The following PACRG variants were observed in gnomAD, a reference collection of about 807,000 sequenced individuals.
PACRG encodes the protein parkin coregulated, also known as parkin coregulated gene protein.
Under a neutral mutation model 29.7 loss-of-function variants are expected in PACRG, and 29 were observed. The ratio of observed to expected loss-of-function variants is 0.98; its 90% CI spans 0.73 to 1.33. PACRG has a LOEUF of 1.33. PACRG is among the 40% of genes most tolerant of loss of function. The probability of loss-of-function intolerance (pLI) is 0.00; values close to 1 mark genes in which losing one functional copy is unlikely to be tolerated. For synonymous variants in PACRG, 116 were observed against 118.7 expected, an observed-to-expected ratio of 0.98 and a Z score of 0.15; for missense variants, 279 against 316.2, an observed-to-expected ratio of 0.88 and a Z score of 0.89.
At chr6:162,852,005 G>GGAAGGAAAGGAAGGAAGGAAGGA (rs1562663902) in intron 2 of PACRG, among the ~76,000 whole-genome samples, 8 of 116,030 alleles carry the variant, frequency 6.9e-5, no homozygotes, top group African/African-American at 2.7e-4. Flanking sequence ...GGGAGGGAGG[G>GGAAGGAAAGGAAGGAAGGAAGGA]AGGAAGGAAG....
intron 2 of PACRG, among the ~76,000 whole-genome samples, chr6:162,871,849 C>T (rs1367553755): frequency 3.3e-5 from 5 of 151,500 alleles, no homozygotes; most frequent in Middle Eastern, 3.4e-3. Context: ...ACCTGGGAGG[C>T]GGAGCTTGCA....
rs141538953 is a variant in PACRG, at chr6:162,759,354, G to A, written c.156+30963G>A. Reference sequence around the variant, plus strand: ...ATCTGAAAGTACATCTATGTGAGCCGTGGCTCACATAACCATGGCTGTAGG... The same window carrying A: ...ATCTGAAAGTACATCTATGTGAGCCATGGCTCACATAACCATGGCTGTAGG... On this transcript the variant is annotated intron_variant, in intron 1 of 4. Transcript: ENST00000366888. 2.9e-3 allele frequency among the ~76,000 whole-genome samples: 438 copies of A among 152,232 alleles called. 1 individual carries two copies. The highest frequency in any genetic ancestry group is 1.0e-2 in the African/African-American group (415 of 41,530).
At chr6:162,829,560 A>T (rs1190768976) in intron 2 of PACRG, among the ~76,000 whole-genome samples, 1 of 152,238 alleles carries the variant, frequency 6.6e-6, no homozygotes, top group Non-Finnish European at 1.5e-5. Context: ...AAGTACAGTC[A>T]TGAGCTGCAT....
intron 4 of PACRG, among the ~76,000 whole-genome samples, chr6:163,212,084 T>C (rs1781166170): frequency 1.3e-5 from 2 of 152,000 alleles, no homozygotes; most frequent in South Asian, 4.2e-4. Context: ...TACAGAGCAG[T>C]GGGATATTGG....
chr6:162,748,459 C>G (rs930857506), intron 1 of PACRG, among the ~76,000 whole-genome samples: 1 of 152,158 alleles, frequency 6.6e-6, no homozygotes, highest in Non-Finnish European at 1.5e-5. Context: ...GACCACTGCA[C>G]TCCAGCCTGC....
rs113979485 is a variant in PACRG, at chr6:163,102,095, G to A, written c.613+12687G>A. On this transcript the variant is annotated intron_variant, in intron 4 of 4. Coordinates refer to ENST00000366888, the MANE Select transcript of PACRG (RefSeq NM_001080379.2). ...AACCTGAATCAATGTGTACAGCCAC[G>A]GAAGGCCTGAGGGGTGAAGGAGGTT... Among the ~76,000 whole-genome samples the A allele has an allele frequency of 1.4e-3, 208 of 152,222 alleles. 5 individuals are homozygous for A. The highest frequency in any genetic ancestry group is 4.7e-3 in the African/African-American group (195 of 41,530).
At chr6:162,888,955 G>A (rs1162393441) in intron 2 of PACRG, among the ~76,000 whole-genome samples, 2 of 152,200 alleles carry the variant, frequency 1.3e-5, no homozygotes, top group Admixed American at 1.3e-4. Flanking sequence ...CAGTCATGCG[G>A]CCATGGGATC....
chr6:163,054,759 A>G (rs1285734845), intron 2 of PACRG, among the ~76,000 whole-genome samples: 3 of 152,178 alleles, frequency 2.0e-5, no homozygotes, highest in African/African-American at 7.2e-5. Flanking sequence ...CCCACCAGCC[A>G]TTCGCATCCC....
intron 4 of PACRG, among the ~76,000 whole-genome samples, chr6:163,100,382 A>G (rs1045792134): frequency 1.3e-4 from 19 of 151,982 alleles, no homozygotes; most frequent in African/African-American, 4.6e-4. Flanking sequence ...CGGCCTTTCC[A>G]TTCTGCACCG....
chr6:162,905,441 T>G (rs1795863154), intron 2 of PACRG, among the ~76,000 whole-genome samples: 3 of 152,172 alleles, frequency 2.0e-5, no homozygotes, highest in Non-Finnish European at 4.4e-5. Flanking sequence ...CTGACCAGAC[T>G]GGCAGCATTT....
At position 163,269,867 on chromosome 6, in the gene PACRG, G is replaced by GAGAAAGAAAGAGAA. The variant is rs1562349501; in HGVS notation, c.614-44949_614-44948insGAAAGAAAGAAAGA. Among the ~76,000 whole-genome samples the GAGAAAGAAAGAGAA allele has an allele frequency of 7.4e-4, 42 of 56,764 alleles. 6 individuals are homozygous for GAGAAAGAAAGAGAA. The highest frequency in any genetic ancestry group is 1.6e-3 in the African/African-American group (19 of 12,142). 37.2% of individuals were successfully genotyped at this position (56,764 alleles called of 152,430 possible). A position where few individuals can be genotyped will look rare whatever the true frequency, so the allele number is the denominator to read the frequency against. On this transcript the variant is annotated intron_variant, in intron 4 of 4. Coordinates refer to ENST00000366888, the MANE Select transcript of PACRG (RefSeq NM_001080379.2). The stretch of plus-strand genomic sequence containing the variant: ...AAAGAAAGAAAGAAAGAGAAAGAAA[G>GAGAAAGAAAGAGAA]AGAAAGAAAGAAAGAAAGAAAGAAA...
At chr6:162,988,762 T>G (rs894748416) in intron 2 of PACRG, among the ~76,000 whole-genome samples, 1 of 152,104 alleles carries the variant, frequency 6.6e-6, no homozygotes, top group African/African-American at 2.4e-5. Context: ...AATCTCTTAA[T>G]GGAAAATTAA....
chr6:163,250,376 T>C (rs1782855226), intron 4 of PACRG, among the ~76,000 whole-genome samples: 2 of 152,374 alleles, frequency 1.3e-5, no homozygotes, highest in East Asian at 3.9e-4. Flanking sequence ...GCTGAAATGC[T>C]CGGGGGCCCC....
chr6:163,308,236 A>G (rs1311424450), intron 4 of PACRG, among the ~76,000 whole-genome samples: 1 of 152,236 alleles, frequency 6.6e-6, no homozygotes, highest in African/African-American at 2.4e-5. Flanking sequence ...TATCTGTTGA[A>G]TAAATTTCTT....
intron 3 of PACRG, among the ~76,000 whole-genome samples, chr6:163,076,077 C>T (rs1460768347): frequency 6.6e-6 from 1 of 152,188 alleles, no homozygotes; most frequent in African/African-American, 2.4e-5. Flanking sequence ...AACGTGCAAT[C>T]CTACAAGGGC....
intron 4 of PACRG, among the ~76,000 whole-genome samples, chr6:163,244,510 GTTCTGTA>G (rs1782621039): frequency 1.3e-5 from 2 of 152,110 alleles, no homozygotes; most frequent in African/African-American, 4.8e-5. Context: ...CATGCACTGT[GTTCTGTA>G]TTTTCGAAAG....
At chr6:162,735,008 A>G (rs907505161) in intron 1 of PACRG, among the ~76,000 whole-genome samples, 1 of 152,222 alleles carries the variant, frequency 6.6e-6, no homozygotes, top group African/African-American at 2.4e-5. Flanking sequence ...TTTTGTGTCC[A>G]GTTTCTTTCA....
chr6:163,256,529 G>A (rs1359031430), intron 4 of PACRG, among the ~76,000 whole-genome samples: 3 of 152,244 alleles, frequency 2.0e-5, no homozygotes, highest in Admixed American at 2.0e-4. Flanking sequence ...CAGGTGGTTA[G>A]GGAAGGCCTT....
chr6:163,001,945 T>C (rs1329692061), intron 2 of PACRG, among the ~76,000 whole-genome samples: 1 of 152,200 alleles, frequency 6.6e-6, no homozygotes, highest in Non-Finnish European at 1.5e-5. Context: ...AATTACCCTA[T>C]TATGCATAAA....
Sources: gnomAD v4.1 joint callset for allele counts (sites outside exome capture counted in the v4.1 genomes callset) on GRCh38, gnomAD v4.1.1 for gene constraint, MANE v1.5 for transcripts, NCBI Gene and HGNC (gene_info 2026-07-23, HGNC 2026-07-21) for gene names.